The following CUL5 variants were observed in gnomAD, a reference collection of about 807,000 sequenced individuals.
CUL5 encodes the protein cullin 5.
A neutral mutation model predicts 108.8 loss-of-function variants in CUL5; 26 were observed. The observed-to-expected ratio is 0.24, with a 90% confidence interval of 0.18 to 0.33. The LOEUF (loss-of-function observed/expected upper bound fraction) is 0.33, where lower values mean the gene tolerates loss of function less well. CUL5 is among the 10% of genes least tolerant of loss of function. The pLI is 1.00. For missense variants in CUL5, 524 were observed against 909.2 expected, an observed-to-expected ratio of 0.58 and a Z score of 5.45; for synonymous variants, 334 against 298.0, an observed-to-expected ratio of 1.12 and a Z score of -1.25.
intron 13 of CUL5, among the ~76,000 whole-genome samples, chr11:108,091,048 C>CTTTCTTTT (rs955747892): frequency 6.6e-6 from 1 of 151,700 alleles, no homozygotes; most frequent in African/African-American, 2.4e-5. Flanking sequence ...TTCTTTCTTT[C>CTTTCTTTT]TTTCTTTTTT....
At chr11:108,054,257 A>ATC (rs1863316686) in intron 5 of CUL5, among the ~76,000 whole-genome samples, 1 of 152,168 alleles carries the variant, frequency 6.6e-6, no homozygotes, top group Non-Finnish European at 1.5e-5. Flanking sequence ...CCACTTAGAC[A>ATC]ACCTAGTCAT....
chr11:108,069,768 T>C (rs1203366535), intron 7 of CUL5, among the ~76,000 whole-genome samples: 1 of 152,214 alleles, frequency 6.6e-6, no homozygotes, highest in Non-Finnish European at 1.5e-5. Flanking sequence ...CTTCTAGAAT[T>C]TTATAACCTA....
chr11:108,057,866 G>T (rs1449518290), intron 7 of CUL5, among the ~76,000 whole-genome samples: 1 of 152,154 alleles, frequency 6.6e-6, no homozygotes, highest in Admixed American at 6.5e-5. Flanking sequence ...GAAGTGAGGT[G>T]CTATTTTTCT....
rs1008801625 is a variant in CUL5 at position 108,036,126 on chromosome 11, A to G, written c.134+2215A>G. On this transcript the variant is annotated intron_variant, in intron 2 of 18. Transcript: ENST00000393094. ...CTAATTTCACAAGAATTCAATAGCA[A>G]TGAAAAACTGCATTTAAAATTCCAA... Among the ~76,000 whole-genome samples the G allele has an allele frequency of 2.6e-5, 4 of 152,240 alleles. No individual in the cohort carries two copies. In the East Asian group the frequency reaches 5.8e-4, roughly 22 times the overall value.
intron 7 of CUL5, among the ~76,000 whole-genome samples, chr11:108,063,006 C>A (rs201607835): frequency 6.6e-6 from 1 of 151,986 alleles, no homozygotes; most frequent in African/African-American, 2.4e-5. Context: ...CCACCACGCC[C>A]GGCTAATTTT....
chr11:108,067,831 T>C (rs1367637904), intron 7 of CUL5, among the ~76,000 whole-genome samples: 1 of 152,230 alleles, frequency 6.6e-6, no homozygotes. Flanking sequence ...AGTGATGTTA[T>C]AGAATAAGAT....
chr11:108,087,256 C>G (rs542826391), intron 11 of CUL5, among the ~76,000 whole-genome samples: 3 of 152,196 alleles, frequency 2.0e-5, no homozygotes, highest in South Asian at 2.1e-4. Context: ...TTCATCCACC[C>G]CACTAAGAGT....
chr11:108,089,805 C>A (rs961898478), intron 13 of CUL5, among the ~76,000 whole-genome samples, 182 bp downstream of exon 13: 2 of 151,964 alleles, frequency 1.3e-5, no homozygotes, highest in Admixed American at 6.6e-5. Context: ...TTTGGGAGGC[C>A]GAGGCAGGTG....
intron 3 of CUL5, among the ~76,000 whole-genome samples, chr11:108,049,380 C>T (rs531540334): frequency 2.0e-5 from 3 of 151,340 alleles, no homozygotes; most frequent in East Asian, 1.9e-4. Context: ...ATTGCTCTGT[C>T]GCCCAGGCCA....
At chr11:108,100,105 G>GT (rs138616958) in intron 18 of CUL5, among the ~76,000 whole-genome samples, 54,139 of 151,228 alleles carry the variant, frequency 0.36, 11,284 homozygotes, top group Middle Eastern at 0.54. Context: ...TTTACAAATT[G>GT]TTTTTTATCA....
chr11:108,042,540 C>T lies in CUL5; in HGVS notation c.135-3730C>T, dbSNP rs966800124. Among the ~76,000 whole-genome samples the T allele has an allele frequency of 7.2e-5, 11 of 151,940 alleles. No individual in the cohort carries two copies. In the South Asian group the frequency reaches 2.1e-3, roughly 29 times the overall value. On this transcript the variant is annotated intron_variant, in intron 2 of 18. Transcript: ENST00000393094. ...CCTGGCCCACAATTCTATATACTGT[C>T]GATTTTTTTTGATAAAATATCCTCT...
intron 13 of CUL5, among the ~76,000 whole-genome samples, chr11:108,091,695 T>TCACA (rs71303233): frequency 0.19 from 25,815 of 137,988 alleles, 2,498 homozygotes; most frequent in Middle Eastern, 0.28. Flanking sequence ...TCTCTCTCAC[T>TCACA]CACACACACA....
chr11:108,017,031 A>G (rs954559331), intron 1 of CUL5, among the ~76,000 whole-genome samples: 2 of 152,144 alleles, frequency 1.3e-5, no homozygotes, highest in Non-Finnish European at 2.9e-5. Context: ...AAGGTAATTG[A>G]TCTGTGTAGC....
At chr11:108,091,172 C>G (rs1402758535) in intron 13 of CUL5, among the ~76,000 whole-genome samples, 1 of 151,928 alleles carries the variant, frequency 6.6e-6, no homozygotes, top group African/African-American at 2.4e-5. Context: ...CTGTCTCAGC[C>G]TCCTAAGTAG....
chr11:108,055,776 G>T (rs914442978), intron 7 of CUL5, among the ~76,000 whole-genome samples: 1 of 151,976 alleles, frequency 6.6e-6, no homozygotes, highest in African/African-American at 2.4e-5. Context: ...GACTACAAGC[G>T]CATGCCACCA....
chr11:108,018,015 A>T (rs528372385), intron 1 of CUL5, among the ~76,000 whole-genome samples: 1 of 152,270 alleles, frequency 6.6e-6, no homozygotes, highest in East Asian at 1.9e-4. Context: ...GCTTTTCTTA[A>T]AAGTCTGGTT....
intron 18 of CUL5, among the ~76,000 whole-genome samples, chr11:108,098,996 G>T (rs894155707): frequency 2.2e-5 from 3 of 134,680 alleles, no homozygotes; most frequent in African/African-American, 8.3e-5. Context: ...GAAACTTCTG[G>T]CCAGTGTACT....
intron 7 of CUL5, 63 bp downstream of exon 7, chr11:108,055,018 C>T: frequency 1.8e-6 from 2 of 1,093,026 alleles, no homozygotes; most frequent in Non-Finnish European, 1.3e-6. Context: ...ATAGGAATGG[C>T]AAATAAACAA....
At chr11:108,035,627 T>C (rs1263826749) in intron 2 of CUL5, among the ~76,000 whole-genome samples, 3 of 151,158 alleles carry the variant, frequency 2.0e-5, no homozygotes, top group African/African-American at 7.3e-5. Flanking sequence ...TGTAGTCCCA[T>C]CTAATTGGGA....
Sources: gnomAD v4.1 joint callset for allele counts (sites outside exome capture counted in the v4.1 genomes callset) on GRCh38, gnomAD v4.1.1 for gene constraint, MANE v1.5 for transcripts, NCBI Gene and HGNC (gene_info 2026-07-23, HGNC 2026-07-21) for gene names.